Variants in GSDME observed in about 807,000 individuals in gnomAD.
GSDME encodes gasdermin E.
GSDME carries 44 observed loss-of-function variants against 47.5 expected under a neutral mutation model. The ratio of observed to expected loss-of-function variants is 0.93; its 90% CI spans 0.73 to 1.19. GSDME has a LOEUF of 1.19. GSDME is among the 50% of genes most tolerant of loss of function. The pLI is 0.00. For missense variants in GSDME, 663 were observed against 604.2 expected (o/e 1.10, Z -1.02); for synonymous variants, 258 against 252.8 (o/e 1.02, Z -0.20).
intron 4 of GSDME, 56 bp downstream of exon 4, chr7:24,718,991 A>C: frequency 6.2e-7 from 1 of 1,602,204 alleles, no homozygotes; most frequent in South Asian, 1.1e-5. Flanking sequence ...GAGGCCCCCA[A>C]CCAAGGTCTC....
chr7:24,715,068 T>C (rs1789497312), intron 5 of GSDME, among the ~76,000 whole-genome samples: 1 of 152,230 alleles, frequency 6.6e-6, no homozygotes, highest in Non-Finnish European at 1.5e-5. Context: ...CCAACCTCGA[T>C]GAACCCAGAG....
chr7:24,746,359 G>A (rs2128063984), intron 2 of GSDME, among the ~76,000 whole-genome samples: 1 of 152,260 alleles, frequency 6.6e-6, no homozygotes, highest in East Asian at 1.9e-4. Context: ...GGGAGAATTT[G>A]GGTAACATTC....
In GSDME at chr7:24,698,962, G is replaced by T; in HGVS notation, c.*64C>A. 1 of 1,096,978 alleles carries T rather than the reference G, an allele frequency of 9.1e-7. No homozygotes were observed. Among genetic ancestry groups the T allele is most frequent in the Non-Finnish European group, 1.4e-6 (1 of 724,968 alleles). 68.0% of individuals were successfully genotyped at this position (1,096,978 alleles called of 1,614,324 possible). On this transcript the variant is annotated 3_prime_UTR_variant, in exon 10 of 10. Transcript: ENST00000645220. ...ATTGGTCAACTTTTAACGTGCATATGACCTTTAACAGTTCTGAAAAATAGC... is the reference window on the plus strand; with the variant it reads ...ATTGGTCAACTTTTAACGTGCATATTACCTTTAACAGTTCTGAAAAATAGC...
the GSDME span, among the ~76,000 whole-genome samples, chr7:24,785,017 C>T: frequency 6.6e-6 from 1 of 152,222 alleles, no homozygotes; most frequent in Non-Finnish European, 1.5e-5. Context: ...TCCATCCAAT[C>T]AAGTTAACAC....
In GSDME at chr7:24,711,575, C is replaced by G. The variant is rs1789354796; in HGVS notation, c.698-1187G>C. Among the ~76,000 whole-genome samples, 4 of 152,040 alleles carry G rather than the reference C, an allele frequency of 2.6e-5. No homozygotes were observed. In the South Asian group the frequency reaches 8.3e-4, roughly 32 times the overall value. ...GTGGCTCACACCTGTAATGCCAACA[C>G]TTCGGGAGGCTGAGGCAGGCAGATT... On this transcript the variant is annotated intron_variant, in intron 5 of 9. Coordinates refer to ENST00000645220, the MANE Select transcript of GSDME (RefSeq NM_001127453.2).
chr7:24,699,275 T>TAAAC lies in GSDME; in HGVS notation c.1258-20_1258-17dup. The TAAAC allele has an allele frequency of 6.4e-7, 1 of 1,558,904 alleles. No homozygotes were observed. Among genetic ancestry groups the TAAAC allele is most frequent in the Non-Finnish European group, 8.8e-7 (1 of 1,130,030 alleles). On this transcript the variant is annotated splice_polypyrimidine_tract_variant and intron_variant, in intron 9 of 9. Transcript: ENST00000645220. Reference sequence around the variant, plus strand: ...GAGCACGAAGCTGAAATGACACATTTAAACAAATTCACTTTTAAAATGTCC... The same window carrying TAAAC: ...GAGCACGAAGCTGAAATGACACATTTAAACAAACAAATTCACTTTTAAAATGTCC...
upstream of GSDME, among the ~76,000 whole-genome samples, chr7:24,758,633 G>A (rs79350137): frequency 0.017 from 2,554 of 152,306 alleles, 88 homozygotes; most frequent in African/African-American, 0.058. The surrounding 1 kb of genome is among the most constrained non-coding windows in gnomAD (Gnocchi z 4.6). Context: ...GCCCGGCAGC[G>A]CTTTCCCTTG....
chr7:24,756,068 T>G lies in GSDME; in HGVS notation c.-20+1328A>C, dbSNP rs1791006649. On this transcript the variant is annotated intron_variant, in intron 1 of 9. Coordinates refer to ENST00000645220, the MANE Select transcript of GSDME (RefSeq NM_001127453.2). The surrounding 1 kb of genome is among the most constrained non-coding windows in gnomAD (Gnocchi z 4.2). Reference sequence around the variant, plus strand: ...TTTTTAATGAGAAGACAAATTAATATTTCATCATTTCTTTCTAAAATAAAA... The same window carrying G: ...TTTTTAATGAGAAGACAAATTAATAGTTCATCATTTCTTTCTAAAATAAAA... 6.6e-6 allele frequency among the ~76,000 whole-genome samples: 1 copy of G among 152,242 alleles called. No homozygotes were observed. The highest frequency in any genetic ancestry group is 2.4e-5 in the African/African-American group (1 of 41,458).
intron 6 of GSDME, 77 bp downstream of exon 6, chr7:24,710,147 G>A: frequency 1.3e-6 from 2 of 1,504,594 alleles, no homozygotes; most frequent in South Asian, 2.3e-5. Context: ...CACTGATGCT[G>A]AAGGCCACAC....
At chr7:24,755,788 G>T (rs1790996134) in intron 1 of GSDME, among the ~76,000 whole-genome samples, 1 of 152,168 alleles carries the variant, frequency 6.6e-6, no homozygotes, top group South Asian at 2.1e-4. Flanking sequence ...TGTAACATAA[G>T]AAAGTGCCCT....
At chr7:24,748,115 AAAT>A (rs1376180169) in intron 2 of GSDME, among the ~76,000 whole-genome samples, 1 of 148,570 alleles carries the variant, frequency 6.7e-6, no homozygotes, top group Non-Finnish European at 1.5e-5. Context: ...TTAAGTAAAA[AAAT>A]AAGGAGTGTA....
At chr7:24,778,993 A>G in the GSDME span, among the ~76,000 whole-genome samples, 2 of 152,158 alleles carry the variant, frequency 1.3e-5, no homozygotes, top group African/African-American at 4.8e-5. The surrounding 1 kb of genome is among the most constrained non-coding windows in gnomAD (Gnocchi z 5.6). Context: ...TTCCTGGATA[A>G]TTGTCATGCT....
upstream of GSDME, chr7:24,758,027 C>CA (rs1483679760): frequency 1.3e-5 from 2 of 152,242 alleles, no homozygotes; most frequent in Non-Finnish European, 2.9e-5. This position sits in a 1 kb window ranked among gnomAD's most constrained non-coding sequence, Gnocchi z 4.6. Flanking sequence ...TCCTTGAGGG[C>CA]AAAACCAGGC....
rs1260326027 is a variant in GSDME at position 24,716,940 on chromosome 7, G to C, written c.697+314C>G. 1 of 405,976 alleles carries C rather than the reference G, an allele frequency of 2.5e-6. No homozygotes were observed. Among genetic ancestry groups the C allele is most frequent in the Non-Finnish European group, 4.7e-6 (1 of 213,124 alleles). The allele number at this position is 405,976 out of a possible 1,614,324, so 25.1% of individuals were successfully genotyped here. A position where few individuals can be genotyped will look rare whatever the true frequency, so the allele number is the denominator to read the frequency against. ...ATCATGGCACCGGGGTTGATGCCCA[G>C]TGTGTCTGATGCAGAGCCCAGGTTG... On this transcript the variant is annotated intron_variant, in intron 5 of 9. Coordinates refer to ENST00000645220, the MANE Select transcript of GSDME (RefSeq NM_001127453.2). This position sits in a 1 kb window ranked among gnomAD's most constrained non-coding sequence, Gnocchi z 4.5.
At chr7:24,763,889 A>G in the GSDME span, among the ~76,000 whole-genome samples, 1 of 152,252 alleles carries the variant, frequency 6.6e-6, no homozygotes, top group East Asian at 1.9e-4. The surrounding 1 kb of genome is among the most constrained non-coding windows in gnomAD (Gnocchi z 4.3). Context: ...TTTTGTAAAG[A>G]ATCCCAACTA....
the GSDME span, among the ~76,000 whole-genome samples, chr7:24,776,425 T>C: frequency 1.1e-4 from 17 of 152,112 alleles, no homozygotes; most frequent in Admixed American, 8.5e-4. Flanking sequence ...AAAAGATAGA[T>C]CAGTGTAATA....
upstream of GSDME, among the ~76,000 whole-genome samples, chr7:24,759,859 C>A (rs1791139590): frequency 6.6e-6 from 1 of 152,152 alleles, no homozygotes; most frequent in Admixed American, 6.5e-5. Context: ...AAGGTTCTGG[C>A]ACAGCCATAA....
At chr7:24,727,395 C>A (rs755794771) in intron 3 of GSDME, among the ~76,000 whole-genome samples, 22 of 152,188 alleles carry the variant, frequency 1.4e-4, no homozygotes, top group Non-Finnish European at 2.9e-4. Context: ...AACATCTCCC[C>A]AGAAACAGAG....
At chr7:24,784,106 A>G in the GSDME span, among the ~76,000 whole-genome samples, 91 of 152,282 alleles carry the variant, frequency 6.0e-4, 1 homozygote, top group East Asian at 0.015. Context: ...TATGAGCCTA[A>G]GATCCAAAGA....
Sources: gnomAD v4.1 joint callset for allele counts (sites outside exome capture counted in the v4.1 genomes callset) on GRCh38, gnomAD v4.1.1 for gene constraint, Gnocchi (gnomAD v3.1) non-coding constraint, MANE v1.5 for transcripts, NCBI Gene and HGNC (gene_info 2026-07-23, HGNC 2026-07-21) for gene names.